Variants in OPRD1 observed in about 807,000 individuals in gnomAD.
OPRD1 encodes the protein delta-type opioid receptor.
A neutral mutation model predicts 17.5 loss-of-function variants in OPRD1; 19 were observed. The ratio of observed to expected loss-of-function variants is 1.09; its 90% CI spans 0.76 to 1.60. The LOEUF (loss-of-function observed/expected upper bound fraction) is 1.60, where lower values mean the gene tolerates loss of function less well. OPRD1 is among the 40% of genes most tolerant of loss of function. The pLI is 0.00. For missense variants in OPRD1, 483 were observed against 547.2 expected (o/e 0.88, Z 1.17); for synonymous variants, 256 against 240.9 (o/e 1.06, Z -0.58).
chr1:28,828,486 G>A (rs1024883850), intron 1 of OPRD1, among the ~76,000 whole-genome samples: 1 of 152,064 alleles, frequency 6.6e-6, no homozygotes, highest in Non-Finnish European at 1.5e-5. Flanking sequence ...TGGTAAATGA[G>A]CATCGGCTTC....
chr1:28,846,895 C>T (rs1045292111), intron 1 of OPRD1, among the ~76,000 whole-genome samples: 1,597 of 33,654 alleles, frequency 0.047, 33 homozygotes, highest in African/African-American at 0.096. Flanking sequence ...TCTTTCTTTT[C>T]TCTTTCTTTC....
At chr1:28,842,236 C>T (rs975326176) in intron 1 of OPRD1, among the ~76,000 whole-genome samples, 6 of 152,034 alleles carry the variant, frequency 3.9e-5, no homozygotes, top group Non-Finnish European at 5.9e-5. Context: ...CGCCATATTG[C>T]CCCAGCTGGT....
intron 1 of OPRD1, among the ~76,000 whole-genome samples, chr1:28,829,328 A>T (rs896405980): frequency 2.3e-4 from 35 of 152,122 alleles, no homozygotes; most frequent in African/African-American, 8.0e-4. Flanking sequence ...AGACCACTCA[A>T]ACCTTCTCCA....
At chr1:28,849,276 C>T (rs562151742) in intron 1 of OPRD1, among the ~76,000 whole-genome samples, 117 of 152,090 alleles carry the variant, frequency 7.7e-4, no homozygotes, top group Middle Eastern at 3.4e-3. Context: ...TGGGGGGACT[C>T]CCGGGCCCTT....
rs1557575917 is a variant in OPRD1, at chr1:28,846,845, C to CTTTCT, written c.228-12106_228-12105insCTTTT. Among the ~76,000 whole-genome samples, 267 of 58,794 alleles carry CTTTCT rather than the reference C, an allele frequency of 4.5e-3. 1 individual carries two copies. Among genetic ancestry groups the CTTTCT allele is most frequent in the African/African-American group, 0.015 (255 of 16,762 alleles). The allele number at this position is 58,794 out of a possible 152,430, so 38.6% of individuals were successfully genotyped here. A position where few individuals can be genotyped will look rare whatever the true frequency, so the allele number is the denominator to read the frequency against. On this transcript the variant is annotated intron_variant, in intron 1 of 2. Transcript: ENST00000234961. ...ATTTTCTTTCTTTCTTTCTTTCTTT[C>CTTTCT]TTTTCTTTCTTTCTTTCTTTCTTTC...
At chr1:28,852,532 T>C (rs888014227) in intron 1 of OPRD1, among the ~76,000 whole-genome samples, 1 of 152,148 alleles carries the variant, frequency 6.6e-6, no homozygotes, top group Non-Finnish European at 1.5e-5. Flanking sequence ...GAGCCAGACA[T>C]GGTGGTGAGC....
rs764026265 is a variant in OPRD1, at chr1:28,863,203, C to T, written c.1039C>T (p.Arg347Cys). 4.4e-6 allele frequency: 7 copies of T among 1,586,090 alleles called. No homozygotes were observed. The Admixed American group carries it at 6.9e-5, about 16-fold the overall frequency. Residue 347 changes from arginine to cysteine, a missense_variant, in exon 3 of 3, where the codon CGC becomes TGC. Arg to Cys is a radical substitution (Grantham distance 180). Coordinates refer to ENST00000234961, the MANE Select transcript of OPRD1 (RefSeq NM_000911.4). Reference protein sequence around the residue: ...CGRPDPSSFSRAREATARERV... With the variant: ...CGRPDPSSFSCAREATARERV... ...CCGCCCAGACCCCAGCAGCTTCAGCCGCGCCCGCGAAGCCACGGCCCGCGA... is the reference window on the plus strand; with the variant it reads ...CCGCCCAGACCCCAGCAGCTTCAGCTGCGCCCGCGAAGCCACGGCCCGCGA...
At chr1:28,857,382 T>C (rs984403414) in intron 1 of OPRD1, among the ~76,000 whole-genome samples, 1 of 152,312 alleles carries the variant, frequency 6.6e-6, no homozygotes, top group Admixed American at 6.5e-5. Flanking sequence ...GAACCCAGAT[T>C]TGCTTTCTGC....
rs72889660 is a variant in OPRD1 at position 28,838,693 on chromosome 1, T to C, written c.228-20261T>C. ...GATATGGGTGCACCAGGCAGAGTGC[T>C]AGGAACATGGCAGGCATTACCTCAT... On this transcript the variant is annotated intron_variant, in intron 1 of 2. Coordinates refer to ENST00000234961, the MANE Select transcript of OPRD1 (RefSeq NM_000911.4). Among the ~76,000 whole-genome samples, 303 of 152,274 alleles carry C rather than the reference T, an allele frequency of 2.0e-3. 4 individuals carry two copies. Among genetic ancestry groups the C allele is most frequent in the African/African-American group, 7.1e-3 (294 of 41,564 alleles).
chr1:28,816,673 G>A (rs943242354), intron 1 of OPRD1, among the ~76,000 whole-genome samples: 19 of 152,142 alleles, frequency 1.2e-4, no homozygotes, highest in African/African-American at 4.6e-4. Context: ...TCCCAAGGCA[G>A]AGCATCACCC....
rs933052196 is a variant in OPRD1 at position 28,866,242 on chromosome 1, G to C, written c.*2959G>C. ...AGGGAGCCCCAGGGAGGGTGTCACAGGGAAGTGCCTTTTCTAGCTTTTCAC... is the reference window on the plus strand; with the variant it reads ...AGGGAGCCCCAGGGAGGGTGTCACACGGAAGTGCCTTTTCTAGCTTTTCAC... On this transcript the variant is annotated 3_prime_UTR_variant, in exon 3 of 3. Coordinates refer to ENST00000234961, the MANE Select transcript of OPRD1 (RefSeq NM_000911.4). 3 of 152,254 alleles carry C rather than the reference G, an allele frequency of 2.0e-5. No individual in the cohort carries two copies. Among genetic ancestry groups the C allele is most frequent in the African/African-American group, 7.2e-5 (3 of 41,454 alleles). The allele number at this position is 152,254 out of a possible 1,614,324, so 9.4% of individuals were successfully genotyped here.
chr1:28,870,991 C>A lies in OPRD1; in HGVS notation c.*7708C>A, dbSNP rs2089212879. 6.6e-6 allele frequency: 1 copy of A among 152,180 alleles called. No homozygotes were observed. The highest frequency in any genetic ancestry group is 2.4e-5 in the African/African-American group (1 of 41,448). The allele number at this position is 152,180 out of a possible 1,614,324, so 9.4% of individuals were successfully genotyped here. A position where few individuals can be genotyped will look rare whatever the true frequency, so the allele number is the denominator to read the frequency against. Reference sequence around the variant, plus strand: ...TTGATGGTTCTGAAGGCTCTGCCATCCTGGAAAAGAACTGAGACACTTCCC... The same window carrying A: ...TTGATGGTTCTGAAGGCTCTGCCATACTGGAAAAGAACTGAGACACTTCCC... On this transcript the variant is annotated 3_prime_UTR_variant, in exon 3 of 3. Coordinates refer to ENST00000234961, the MANE Select transcript of OPRD1 (RefSeq NM_000911.4).
At chr1:28,814,132 C>T (rs936524267) in intron 1 of OPRD1, among the ~76,000 whole-genome samples, 1 of 151,784 alleles carries the variant, frequency 6.6e-6, no homozygotes, top group Non-Finnish European at 1.5e-5. Flanking sequence ...CAAGCACAGG[C>T]GGGACTGATC....
At chr1:28,813,697 T>G (rs2088650418) in intron 1 of OPRD1, among the ~76,000 whole-genome samples, 1 of 152,134 alleles carries the variant, frequency 6.6e-6, no homozygotes, top group African/African-American at 2.4e-5. Context: ...TGCTGTTAGT[T>G]GAAAATGGGT....
chr1:28,849,785 C>A (rs144353273), intron 1 of OPRD1, among the ~76,000 whole-genome samples: 98 of 152,052 alleles, frequency 6.4e-4, no homozygotes, highest in African/African-American at 2.3e-3. Context: ...GGTATCATGT[C>A]CCTGAAATAA....
At chr1:28,831,127 C>T (rs2088805422) in intron 1 of OPRD1, among the ~76,000 whole-genome samples, 1 of 152,234 alleles carries the variant, frequency 6.6e-6, no homozygotes, top group Admixed American at 6.5e-5. Context: ...TCCATTCCTC[C>T]CTGAGGGGAG....
chr1:28,847,588 CT>C (rs2088965113), intron 1 of OPRD1, among the ~76,000 whole-genome samples: 1 of 152,056 alleles, frequency 6.6e-6, no homozygotes, highest in African/African-American at 2.4e-5. Flanking sequence ...AATCCCAGCA[CT>C]TTGGGAGACT....
rs189723482 is a variant in OPRD1 at position 28,828,358 on chromosome 1, A to G, written c.227+15748A>G. On this transcript the variant is annotated intron_variant, in intron 1 of 2. Coordinates refer to ENST00000234961, the MANE Select transcript of OPRD1 (RefSeq NM_000911.4). Reference sequence around the variant, plus strand: ...AGTTTGTCTCAACAGTGGGCTTAAAATACTCCATCAACCATGCTGTAAACA... The same window carrying G: ...AGTTTGTCTCAACAGTGGGCTTAAAGTACTCCATCAACCATGCTGTAAACA... Among the ~76,000 whole-genome samples the G allele has an allele frequency of 4.2e-3, 641 of 152,270 alleles. 2 individuals carry two copies. Among genetic ancestry groups the G allele is most frequent in the African/African-American group, 0.013 (525 of 41,550 alleles).
At chr1:28,858,384 G>C (rs2089078241) in intron 1 of OPRD1, among the ~76,000 whole-genome samples, 1 of 151,920 alleles carries the variant, frequency 6.6e-6, no homozygotes, top group Non-Finnish European at 1.5e-5. Context: ...AAAGTGCTGG[G>C]ATTACAAGCG....
Sources: allele counts gnomAD v4.1 joint callset (sites outside exome capture counted in the v4.1 genomes callset), GRCh38; gene constraint gnomAD v4.1.1; transcripts MANE v1.5; gene names NCBI Gene and HGNC (gene_info 2026-07-23, HGNC 2026-07-21).